AXIN1: variants seen among roughly 807,000 people sequenced by gnomAD.
AXIN1 encodes the protein axin 1.
Under a neutral mutation model 76.4 loss-of-function variants are expected in AXIN1, and 30 were observed. The ratio of observed to expected loss-of-function variants is 0.39; its 90% CI spans 0.29 to 0.53. The LOEUF (loss-of-function observed/expected upper bound fraction) is 0.53. AXIN1 is among the 20% of genes least tolerant of loss of function. The probability of loss-of-function intolerance (pLI) is 0.66; values close to 1 mark genes in which losing one functional copy is unlikely to be tolerated. For synonymous variants in AXIN1, 545 were observed against 501.4 expected (o/e 1.09, Z -1.16); for missense variants, 1,140 against 1,198.8 (o/e 0.95, Z 0.72).
At chr16:341,668 C>CG (rs2053925184) in intron 2 of AXIN1, among the ~76,000 whole-genome samples, 2 of 149,752 alleles carry the variant, frequency 1.3e-5, no homozygotes, top group African/African-American at 5.1e-5. Context: ...CACCTGCAAC[C>CG]CCGGTGCGGG....
At chr16:314,763 A>G (rs558885957) in intron 2 of AXIN1, 80 bp from the exon 3 acceptor site, 42 of 1,578,864 alleles carry the variant, frequency 2.7e-5, no homozygotes, top group Middle Eastern at 1.7e-4. Flanking sequence ...ATGTTATCTG[A>G]ATATCTCAAT....
chr16:301,049 T>C (rs1037712712), intron 5 of AXIN1, among the ~76,000 whole-genome samples: 2 of 152,028 alleles, frequency 1.3e-5, no homozygotes, highest in African/African-American at 4.8e-5. Flanking sequence ...GGCGGGTGGA[T>C]CACAAGGTCG....
At chr16:311,613 T>C (rs2053181620) in intron 3 of AXIN1, among the ~76,000 whole-genome samples, 2 of 151,528 alleles carry the variant, frequency 1.3e-5, no homozygotes, top group African/African-American at 2.4e-5. Flanking sequence ...CTACTAAAAA[T>C]ACAAAAAATT....
At chr16:311,632 G>A (rs2053182336) in intron 3 of AXIN1, among the ~76,000 whole-genome samples, 1 of 152,064 alleles carries the variant, frequency 6.6e-6, no homozygotes, top group Non-Finnish European at 1.5e-5. Context: ...TTAGCCAGGT[G>A]TGGTGGCGAG....
At chr16:330,915 T>G (rs956742371) in intron 2 of AXIN1, among the ~76,000 whole-genome samples, 1 of 152,222 alleles carries the variant, frequency 6.6e-6, no homozygotes, top group Non-Finnish European at 1.5e-5. Context: ...GCAGGCAATT[T>G]AGAGTCATTT....
Position 304,269 on chromosome 16 carries a change from C to A in AXIN1, c.1254+35G>T, listed in dbSNP as rs201996733. The A allele has an allele frequency of 5.2e-5, 84 of 1,601,980 alleles. 1 individual carries two copies. Among genetic ancestry groups the A allele is most frequent in the Non-Finnish European group, 6.9e-5 (81 of 1,179,342 alleles). ...CGGCGGCAAGAAAACAGCACGACAC[C>A]GACGCGGAGCGCGACACCGACGCGG... On this transcript the variant is annotated intron_variant, in intron 5 of 10. Transcript: ENST00000262320.
chr16:303,185 A>C (rs916283552), intron 5 of AXIN1, among the ~76,000 whole-genome samples: 2 of 152,044 alleles, frequency 1.3e-5, no homozygotes, highest in Non-Finnish European at 1.5e-5. Context: ...TGCAAGTGAG[A>C]CGACCAGGTG....
chr16:289,362 G>T (rs2052486030), intron 10 of AXIN1, 78 bp downstream of exon 10: 3 of 1,578,872 alleles, frequency 1.9e-6, no homozygotes, highest in Middle Eastern at 2.1e-4. Flanking sequence ...ACTGTGCCCG[G>T]CTGGAAACCC....
chr16:346,009 G>C (rs1338656733), intron 2 of AXIN1, 139 bp downstream of exon 2: 1 of 808,360 alleles, frequency 1.2e-6, no homozygotes, highest in Admixed American at 2.2e-5. Context: ...TCACAAATAA[G>C]AACAGAACCA....
intron 2 of AXIN1, among the ~76,000 whole-genome samples, chr16:332,108 C>A (rs1039084407): frequency 1.3e-5 from 2 of 152,288 alleles, no homozygotes. Context: ...GTCCACAGGT[C>A]GGCAGCCTTC....
intron 2 of AXIN1, among the ~76,000 whole-genome samples, chr16:326,623 G>C (rs1478676001): frequency 6.9e-6 from 1 of 145,302 alleles, no homozygotes. Flanking sequence ...TGGCACGCCT[G>C]TAGTCCCAGC....
chr16:308,091 C>T (rs987477820), intron 4 of AXIN1, among the ~76,000 whole-genome samples: 1 of 152,258 alleles, frequency 6.6e-6, no homozygotes, highest in African/African-American at 2.4e-5. Flanking sequence ...GCGGCCCCCA[C>T]CCCACCACAC....
chr16:332,169 GTGGTGGACC>G (rs2053704328), intron 2 of AXIN1, among the ~76,000 whole-genome samples: 1 of 152,316 alleles, frequency 6.6e-6, no homozygotes, highest in South Asian at 2.1e-4. Context: ...CCTGCAGATG[GTGGTGGACC>G]AGCAACAACT....
At chr16:323,450 A>AG (rs2053506830) in intron 2 of AXIN1, among the ~76,000 whole-genome samples, 1 of 150,212 alleles carries the variant, frequency 6.7e-6, no homozygotes, top group South Asian at 2.1e-4. Context: ...AAAAAAAAAA[A>AG]AAAGAAAGAA....
intron 2 of AXIN1, among the ~76,000 whole-genome samples, chr16:321,292 C>T (rs1466449782): frequency 6.6e-6 from 1 of 151,490 alleles, no homozygotes; most frequent in Non-Finnish European, 1.5e-5. Flanking sequence ...AGCCGCCACC[C>T]TCCCTGGTAG....
At chr16:307,346 T>C (rs2053054709) in intron 4 of AXIN1, among the ~76,000 whole-genome samples, 1 of 152,098 alleles carries the variant, frequency 6.6e-6, no homozygotes, top group South Asian at 2.1e-4. Context: ...TTACAGAGAA[T>C]GGCAACCTCT....
chr16:344,891 C>A (rs924420111), intron 2 of AXIN1, among the ~76,000 whole-genome samples: 1 of 152,170 alleles, frequency 6.6e-6, no homozygotes, highest in South Asian at 2.1e-4. Context: ...TCACAGTAAG[C>A]TTGAAGAACT....
rs375905344 is a variant in AXIN1 at position 304,401 on chromosome 16, T to C, written c.1157A>G (p.Gln386Arg). Residue 386 changes from glutamine (Q) to arginine (R), a missense_variant, in exon 5 of 11, where the codon CAG becomes CGG. Physicochemically the swap from Gln to Arg is conservative, Grantham distance 43. This residue lies in a region of AXIN1 where 708 missense variants were observed against 776.9 expected (regional missense o/e 0.91). Coordinates refer to ENST00000262320, the MANE Select transcript of AXIN1 (RefSeq NM_003502.4). ...RVPKEVRVEPQKFAEELIHRL... is the reference protein window; with the variant it reads ...RVPKEVRVEPRKFAEELIHRL... ...GTGGATGAGCTCCTCCGCGAACTTC[T>C]GAGGCTCCACGCGGACCTCCTTCGG... The C allele has an allele frequency of 6.2e-7, 1 of 1,612,734 alleles. No individual in the cohort carries two copies. Among genetic ancestry groups the C allele is most frequent in the Non-Finnish European group, 8.5e-7 (1 of 1,179,948 alleles).
At chr16:321,849 C>A (rs552683876) in intron 2 of AXIN1, among the ~76,000 whole-genome samples, 1 of 152,230 alleles carries the variant, frequency 6.6e-6, no homozygotes, top group Non-Finnish European at 1.5e-5. Flanking sequence ...TATCCAGACA[C>A]AGCCTTGCCC....
Sources: gnomAD v4.1 joint callset for allele counts (sites outside exome capture counted in the v4.1 genomes callset) on GRCh38, gnomAD v4.1.1 for gene constraint, gnomAD v4.1.1 regional missense constraint, MANE v1.5 for transcripts, NCBI Gene and HGNC (gene_info 2026-07-23, HGNC 2026-07-21) for gene names.